DRGX: variants seen among roughly 807,000 people sequenced by gnomAD.
DRGX encodes dorsal root ganglia homeobox.
Under a neutral mutation model 28.6 loss-of-function variants are expected in DRGX, and 21 were observed. The observed-to-expected ratio is 0.73, with a 90% confidence interval of 0.52 to 1.06. The LOEUF is 1.06. Ranked by LOEUF, DRGX falls within the 50% of genes least tolerant of loss-of-function variation. The probability of loss-of-function intolerance (pLI) is 0.00; values close to 1 mark genes in which losing one functional copy is unlikely to be tolerated. For synonymous variants in DRGX, 136 were observed against 139.1 expected (o/e 0.98, Z 0.16); for missense variants, 354 against 343.9 (o/e 1.03, Z -0.23).
intron 2 of DRGX, among the ~76,000 whole-genome samples, chr10:49,394,015 A>G (rs1018215588): frequency 1.3e-5 from 2 of 152,228 alleles, no homozygotes; most frequent in East Asian, 3.9e-4. Context: ...ATTAGTCCAG[A>G]CCCCTGGTTC....
intron 6 of DRGX, among the ~76,000 whole-genome samples, chr10:49,368,084 C>A (rs967347370): frequency 2.6e-5 from 4 of 152,202 alleles, no homozygotes; most frequent in Admixed American, 2.6e-4. Flanking sequence ...CTCTTCCTTG[C>A]CAAGCCTGCT....
intron 6 of DRGX, among the ~76,000 whole-genome samples, chr10:49,374,168 T>C (rs1356074839): frequency 6.6e-6 from 1 of 152,202 alleles, no homozygotes; most frequent in African/African-American, 2.4e-5. Context: ...TGTGATTTCC[T>C]GTCTTCTCTC....
At chr10:49,374,436 C>G (rs1291160172) in intron 6 of DRGX, among the ~76,000 whole-genome samples, 1 of 152,192 alleles carries the variant, frequency 6.6e-6, no homozygotes, top group Non-Finnish European at 1.5e-5. Flanking sequence ...CATGAAGCCC[C>G]TAAAAGGCCA....
chr10:49,387,233 C>T (rs1472360644), intron 4 of DRGX, among the ~76,000 whole-genome samples: 1 of 152,198 alleles, frequency 6.6e-6, no homozygotes, highest in Non-Finnish European at 1.5e-5. Flanking sequence ...TTCCTCATCA[C>T]AGACTCACTA....
intron 4 of DRGX, among the ~76,000 whole-genome samples, chr10:49,389,067 T>C (rs1184833006): frequency 6.6e-6 from 1 of 152,202 alleles, no homozygotes; most frequent in Non-Finnish European, 1.5e-5. Context: ...ATTGGCAAGC[T>C]GGCATTAAAA....
intron 2 of DRGX, chr10:49,391,997 C>A (rs1191899142): frequency 5.1e-6 from 2 of 395,764 alleles, no homozygotes; most frequent in South Asian, 1.9e-5. Flanking sequence ...AAGCACCTAC[C>A]ACTTCTACTT....
In DRGX at chr10:49,386,550, A is replaced by T. The variant is rs1480262637; in HGVS notation, c.454T>A (p.Ser152Thr). The change falls in exon 6 of 7, where the codon TCC becomes ACC. Residue 152 changes from serine to threonine, a missense_variant. Transcript: ENST00000374139. ...TVGPAGPFFP[S>T]CLPGTLLNTA... ...TTCAGGAGAGTCCCCGGCAAGCAGGAGGGGAAGAAAGGCCCTGCAGGACCT... is the reference window on the plus strand; with the variant it reads ...TTCAGGAGAGTCCCCGGCAAGCAGGTGGGGAAGAAAGGCCCTGCAGGACCT... The T allele has an allele frequency of 1.3e-6, 2 of 1,589,974 alleles. No individual in the cohort carries two copies. Among genetic ancestry groups the T allele is most frequent in the Non-Finnish European group, 8.6e-7 (1 of 1,168,210 alleles).
intron 6 of DRGX, among the ~76,000 whole-genome samples, chr10:49,374,618 G>A (rs1185303758): frequency 6.6e-6 from 1 of 152,104 alleles, no homozygotes. Flanking sequence ...GATCTAATCG[G>A]CCTCCATTCC....
At chr10:49,395,016 G>C (rs575399647) in intron 2 of DRGX, among the ~76,000 whole-genome samples, 11 of 152,376 alleles carry the variant, frequency 7.2e-5, no homozygotes, top group Non-Finnish European at 1.5e-4. Flanking sequence ...TCTGGGCCAG[G>C]ACGCGGCGGG....
chr10:49,372,026 T>G (rs1389608996), intron 6 of DRGX, among the ~76,000 whole-genome samples: 1 of 151,962 alleles, frequency 6.6e-6, no homozygotes, highest in African/African-American at 2.4e-5. Flanking sequence ...CCAAAAACAC[T>G]CAAAATGCAT....
At position 49,386,421 on chromosome 10, in the gene DRGX, C is replaced by A. The variant is rs912272947; in HGVS notation, c.526+57G>T. On this transcript the variant is annotated intron_variant, in intron 6 of 6. Coordinates refer to ENST00000374139, the MANE Select transcript of DRGX (RefSeq NM_001276451.2). The stretch of plus-strand genomic sequence containing the variant: ...CGAGCCAAGACCCAGGCCGGTCACA[C>A]AAACTCCACCAACCCCATGAGGCCA... The A allele has an allele frequency of 4.0e-5, 57 of 1,438,762 alleles. 1 individual carries two copies. Among genetic ancestry groups the A allele is most frequent in the South Asian group, 2.9e-4 (20 of 69,058 alleles). The allele number at this position is 1,438,762 out of a possible 1,614,324, so 89.1% of individuals were successfully genotyped here.
chr10:49,379,467 C>T (rs987692503), intron 6 of DRGX, among the ~76,000 whole-genome samples: 4 of 152,034 alleles, frequency 2.6e-5, no homozygotes, highest in South Asian at 4.1e-4. Context: ...AGGAAAACAT[C>T]GTTAAAGAAG....
intron 2 of DRGX, among the ~76,000 whole-genome samples, chr10:49,392,069 CAG>C (rs1849912693): frequency 6.6e-6 from 1 of 152,250 alleles, no homozygotes; most frequent in Non-Finnish European, 1.5e-5. Context: ...AAACGCAGAA[CAG>C]AGTTTGGCCC....
chr10:49,380,116 G>A (rs951191980), intron 6 of DRGX, among the ~76,000 whole-genome samples: 9 of 152,202 alleles, frequency 5.9e-5, no homozygotes, highest in Admixed American at 4.6e-4. Context: ...ACCTGGGAAG[G>A]TCAGCTATGG....
At chr10:49,385,931 CCA>C (rs1175982791) in intron 6 of DRGX, among the ~76,000 whole-genome samples, 1 of 152,140 alleles carries the variant, frequency 6.6e-6, no homozygotes, top group Non-Finnish European at 1.5e-5. Flanking sequence ...AAGGGCCAAT[CCA>C]CAGAGGCTCC....
chr10:49,389,138 T>G (rs1025127532), intron 4 of DRGX, among the ~76,000 whole-genome samples: 2 of 152,182 alleles, frequency 1.3e-5, no homozygotes, highest in Non-Finnish European at 2.9e-5. Flanking sequence ...AATAATCAGT[T>G]TAATTTGCCC....
Position 49,386,737 on chromosome 10 carries a change from G to C in DRGX, c.356C>G (p.Ser119Cys), listed in dbSNP as rs781448613. Reference protein sequence around the residue: ...VTPPPVRNINSPPPGDQARSK... With the variant: ...VTPPPVRNINCPPPGDQARSK... ...CCGGGCTTGGTCCCCAGGGGGCGGG[G>C]AGTTGATGTTTCTCACTGGAGGAGG... The change falls in exon 5 of 7, where the codon TCC becomes TGC. Residue 119 changes from serine to cysteine, a missense_variant. Transcript: ENST00000374139. 2.5e-6 allele frequency: 4 copies of C among 1,607,682 alleles called. No individual in the cohort carries two copies. The highest frequency in any genetic ancestry group is 4.5e-5 in the East Asian group (2 of 44,790).
chr10:49,386,733 C>T lies in DRGX; in HGVS notation c.360G>A (p.Pro120=), dbSNP rs575629456. The change falls in exon 5 of 7, where the codon CCG becomes CCA. Residue 120 remains proline (P), a synonymous_variant. Coordinates refer to ENST00000374139, the MANE Select transcript of DRGX (RefSeq NM_001276451.2). Reference sequence around the variant, plus strand: ...TACTCCGGGCTTGGTCCCCAGGGGGCGGGGAGTTGATGTTTCTCACTGGAG... The same window carrying T: ...TACTCCGGGCTTGGTCCCCAGGGGGTGGGGAGTTGATGTTTCTCACTGGAG... ...TPPPVRNINS[P]PPGDQARSKK... is the part of the protein sequence containing the mutation. 15 of 1,604,894 alleles carry T rather than the reference C, an allele frequency of 9.3e-6. No individual in the cohort carries two copies. In the East Asian group the frequency reaches 1.1e-4, roughly 12 times the overall value.
At chr10:49,391,820 A>C (rs749906109) in intron 2 of DRGX, 11 of 520,670 alleles carry the variant, frequency 2.1e-5, no homozygotes, top group African/African-American at 1.9e-4. Context: ...GAAGTTTATA[A>C]ATGAATATTA....
Sources: allele counts gnomAD v4.1 joint callset (sites outside exome capture counted in the v4.1 genomes callset), GRCh38; gene constraint gnomAD v4.1.1; transcripts MANE v1.5; gene names NCBI Gene and HGNC (gene_info 2026-07-23, HGNC 2026-07-21).